SLC41A3: variants seen among roughly 807,000 people sequenced by gnomAD.
SLC41A3 encodes solute carrier family 41 member 3.
Under a neutral mutation model 45.4 loss-of-function variants are expected in SLC41A3, and 44 were observed. The observed-to-expected ratio is 0.97, with a 90% confidence interval of 0.76 to 1.25. SLC41A3 has a LOEUF of 1.25. SLC41A3 is among the 50% of genes most tolerant of loss of function. The pLI is 0.00. For synonymous variants in SLC41A3, 256 were observed against 252.4 expected, an observed-to-expected ratio of 1.01 and a Z score of -0.13; for missense variants, 550 against 600.6, an observed-to-expected ratio of 0.92 and a Z score of 0.88.
intron 3 of SLC41A3, among the ~76,000 whole-genome samples, chr3:126,047,452 C>G (rs1430389706): frequency 1.3e-5 from 2 of 152,098 alleles, no homozygotes; most frequent in African/African-American, 4.8e-5. Context: ...CCCTGAATAG[C>G]CAAAACAATC....
At chr3:126,047,608 T>C (rs1943047515) in intron 3 of SLC41A3, among the ~76,000 whole-genome samples, 1 of 152,222 alleles carries the variant, frequency 6.6e-6, no homozygotes, top group East Asian at 1.9e-4. Flanking sequence ...AAATATATGG[T>C]CAAATGACAA....
chr3:126,024,572 G>T (rs1328241077), intron 5 of SLC41A3: 1 of 152,300 alleles, frequency 6.6e-6, no homozygotes, highest in Non-Finnish European at 1.5e-5. Flanking sequence ...CCATGCACTG[G>T]CACAGGAATG....
At chr3:126,069,051 C>G (rs574325428) in intron 1 of SLC41A3, among the ~76,000 whole-genome samples, 19 of 151,972 alleles carry the variant, frequency 1.3e-4, no homozygotes, top group African/African-American at 4.6e-4. Flanking sequence ...AATTCCCGCA[C>G]ACTCTGGGCA....
intron 1 of SLC41A3, among the ~76,000 whole-genome samples, chr3:126,082,174 C>T (rs549334318): frequency 7.2e-5 from 11 of 152,364 alleles, no homozygotes; most frequent in Non-Finnish European, 1.3e-4. Flanking sequence ...CTCCAATGTC[C>T]CTGTGTCACT....
chr3:126,097,442 C>T (rs551350230), intron 1 of SLC41A3, among the ~76,000 whole-genome samples: 40 of 152,266 alleles, frequency 2.6e-4, no homozygotes, highest in African/African-American at 8.7e-4. Context: ...CAGTAATTGC[C>T]GAACCACCAC....
intron 2 of SLC41A3, among the ~76,000 whole-genome samples, chr3:126,059,295 A>AGAGAGAAAG (rs1423816762): frequency 1.0e-4 from 13 of 127,600 alleles, no homozygotes; most frequent in South Asian, 2.5e-4. Context: ...AGAAAGAAAG[A>AGAGAGAAAG]AAGAAAGAAA....
chr3:126,078,426 G>A (rs1358302886), intron 1 of SLC41A3, among the ~76,000 whole-genome samples: 1 of 152,100 alleles, frequency 6.6e-6, no homozygotes, highest in Admixed American at 6.5e-5. Flanking sequence ...ACACTGGGAG[G>A]AACCCGTACC....
chr3:126,015,517 G>A lies in SLC41A3; in HGVS notation c.947C>T (p.Ala316Val), dbSNP rs1559810039. Residue 316 changes from alanine to valine, a missense_variant, in exon 8 of 11, where the codon GCG (alanine) becomes GTG (valine). Ala to Val is a moderately conservative substitution (Grantham distance 64, BLOSUM62 0). Transcript: ENST00000360370. ...TVSKQQYKGM[A>V]IFTPVICGVG... The stretch of plus-strand genomic sequence containing the variant: ...ACCACATATGACGGGGGTAAATATC[G>A]CCATGCCTTTGTACTGCTGTTTAGA... 3.1e-6 allele frequency: 5 copies of A among 1,614,136 alleles called. No individual in the cohort carries two copies. The highest frequency in any genetic ancestry group is 1.3e-5 in the African/African-American group (1 of 75,026).
chr3:126,028,857 AT>A (rs929715391), intron 4 of SLC41A3, among the ~76,000 whole-genome samples: 30 of 152,308 alleles, frequency 2.0e-4, no homozygotes, highest in African/African-American at 6.3e-4. Flanking sequence ...GTTAAAGGAG[AT>A]TATTTGGGAG....
At chr3:126,041,144 G>T (rs1457643734) in intron 3 of SLC41A3, among the ~76,000 whole-genome samples, 2 of 152,032 alleles carry the variant, frequency 1.3e-5, no homozygotes, top group Non-Finnish European at 2.9e-5. Flanking sequence ...GATGAAGAGT[G>T]AATCAGTGAA....
intron 1 of SLC41A3, among the ~76,000 whole-genome samples, chr3:126,071,810 A>T (rs1401607244): frequency 1.3e-5 from 2 of 150,186 alleles, no homozygotes; most frequent in Admixed American, 1.3e-4. Context: ...TTATTCTGGC[A>T]CCCAGGCTGG....
At chr3:126,095,294 C>A in intron 1 of SLC41A3, 2 of 670,972 alleles carry the variant, frequency 3.0e-6, no homozygotes, top group South Asian at 3.2e-5. Flanking sequence ...CCCCCTGTTG[C>A]AGCCGTGTTG....
intron 3 of SLC41A3, among the ~76,000 whole-genome samples, chr3:126,038,861 T>TG (rs1157507791): frequency 2.0e-5 from 3 of 152,210 alleles, no homozygotes; most frequent in African/African-American, 7.2e-5. Context: ...TCCCCAGTGT[T>TG]GGAGGTGGGG....
At chr3:126,046,200 C>T (rs1942949403) in intron 3 of SLC41A3, among the ~76,000 whole-genome samples, 1 of 152,178 alleles carries the variant, frequency 6.6e-6, no homozygotes, top group South Asian at 2.1e-4. Context: ...AGGATGCCTG[C>T]TTTCACTACT....
intron 1 of SLC41A3, among the ~76,000 whole-genome samples, chr3:126,099,816 G>A (rs1945673598): frequency 1.3e-5 from 2 of 152,238 alleles, no homozygotes; most frequent in African/African-American, 4.8e-5. Context: ...CGTTATAACT[G>A]ATACCCAGAG....
At chr3:126,075,899 T>C (rs1944858873) in intron 1 of SLC41A3, among the ~76,000 whole-genome samples, 1 of 152,238 alleles carries the variant, frequency 6.6e-6, no homozygotes, top group Non-Finnish European at 1.5e-5. Context: ...AATACAGGTG[T>C]AAATCCCAGG....
intron 9 of SLC41A3, among the ~76,000 whole-genome samples, chr3:126,010,127 C>G (rs1939552112): frequency 6.6e-6 from 1 of 152,204 alleles, no homozygotes; most frequent in Non-Finnish European, 1.5e-5. Context: ...CTCACATAAC[C>G]AAGACTGAGT....
intron 7 of SLC41A3, 138 bp downstream of exon 7, chr3:126,016,593 G>T: frequency 9.0e-7 from 1 of 1,114,852 alleles, no homozygotes; most frequent in Non-Finnish European, 1.2e-6. Flanking sequence ...GATTCAATCA[G>T]CAATGGGAGT....
chr3:126,032,385 G>A (rs997217936), intron 4 of SLC41A3, among the ~76,000 whole-genome samples: 1 of 152,204 alleles, frequency 6.6e-6, no homozygotes, highest in Non-Finnish European at 1.5e-5. Flanking sequence ...GCCTCAAAGC[G>A]ACTGCATGCT....
Sources: gnomAD v4.1 joint callset for allele counts (sites outside exome capture counted in the v4.1 genomes callset) on GRCh38, gnomAD v4.1.1 for gene constraint, MANE v1.5 for transcripts, NCBI Gene and HGNC (gene_info 2026-07-23, HGNC 2026-07-21) for gene names.